The following RBPJ variants were observed in gnomAD, a reference collection of about 807,000 sequenced individuals.
The protein encoded by RBPJ is recombining binding protein suppressor of hairless.
RBPJ carries 9 observed loss-of-function variants against 67.8 expected under a neutral mutation model. The ratio of observed to expected loss-of-function variants is 0.13; its 90% CI spans 0.08 to 0.23. The LOEUF is 0.23. RBPJ is among the 10% of genes least tolerant of loss of function. RBPJ has a pLI of 1.00. For missense variants in RBPJ, 305 were observed against 595.6 expected, an observed-to-expected ratio of 0.51 and a Z score of 5.08; for synonymous variants, 198 against 203.3, an observed-to-expected ratio of 0.97 and a Z score of 0.22.
Position 26,406,239 on chromosome 4 carries a change from G to A in RBPJ, c.124G>A (p.Val42Ile). The A allele has an allele frequency of 6.2e-7, 1 of 1,611,788 alleles. No homozygotes were observed. Among genetic ancestry groups the A allele is most frequent in the Non-Finnish European group, 8.5e-7 (1 of 1,178,602 alleles). Residue 42 changes from valine to isoleucine, a missense_variant, in exon 3 of 11, where the codon GTT (valine) becomes ATT (isoleucine). Val to Ile is a conservative substitution (Grantham distance 29). This residue lies in a region of RBPJ where 4 missense variants were observed against 21.7 expected (regional missense o/e 0.18). Coordinates refer to ENST00000355476, the MANE Select transcript of RBPJ (RefSeq NM_015874.6). ...DQTVLILHAK[V>I]AQKSYGNEKR... The stretch of plus-strand genomic sequence containing the variant: ...AACAGTACTTATTCTTCATGCAAAA[G>A]TTGCACAGAAGTCATATGGAAATGA...
chr4:26,415,026 C>T (rs1192461441), intron 3 of RBPJ, among the ~76,000 whole-genome samples: 2 of 152,134 alleles, frequency 1.3e-5, no homozygotes, highest in Non-Finnish European at 2.9e-5. Flanking sequence ...AGGTTAATTA[C>T]CACATTAAGT....
intron 1 of RBPJ, among the ~76,000 whole-genome samples, chr4:26,197,283 G>A (rs1021877188): frequency 6.6e-6 from 1 of 152,052 alleles, no homozygotes; most frequent in African/African-American, 2.4e-5. Context: ...GAAGAATTGG[G>A]GACCCAGGAC....
intron 1 of RBPJ, among the ~76,000 whole-genome samples, chr4:26,337,638 C>T (rs894255663): frequency 1.1e-4 from 16 of 150,624 alleles, no homozygotes; most frequent in African/African-American, 3.9e-4. Context: ...GGTTATTGGC[C>T]ATTTGTATTT....
intron 1 of RBPJ, among the ~76,000 whole-genome samples, chr4:26,343,948 A>C (rs1307776472): frequency 1.3e-5 from 2 of 151,408 alleles, no homozygotes; most frequent in Non-Finnish European, 1.5e-5. Context: ...AGAGGGTTTC[A>C]CCATGTTGGC....
At chr4:26,313,374 A>T (rs992913722) in intron 1 of RBPJ, among the ~76,000 whole-genome samples, 3 of 152,164 alleles carry the variant, frequency 2.0e-5, no homozygotes, top group Admixed American at 2.0e-4. Flanking sequence ...TCTACTAAAA[A>T]TACAAAGAAA....
chr4:26,205,217 T>C (rs1718128242), intron 1 of RBPJ, among the ~76,000 whole-genome samples: 1 of 152,160 alleles, frequency 6.6e-6, no homozygotes, highest in African/African-American at 2.4e-5. Flanking sequence ...CACTTATCTT[T>C]AGCAAGGAGA....
chr4:26,184,627 G>T (rs1717161154), intron 1 of RBPJ, among the ~76,000 whole-genome samples: 1 of 152,218 alleles, frequency 6.6e-6, no homozygotes, highest in East Asian at 1.9e-4. Context: ...CTCAGGGGAG[G>T]CTGAGTCAAG....
At chr4:26,224,961 A>G (rs1719033300) in intron 1 of RBPJ, among the ~76,000 whole-genome samples, 1 of 152,232 alleles carries the variant, frequency 6.6e-6, no homozygotes, top group Non-Finnish European at 1.5e-5. Flanking sequence ...AACAAAGACT[A>G]AGGAAGGAAA....
At chr4:26,109,460 C>CTCTCTCTA in the RBPJ span, among the ~76,000 whole-genome samples, 5 of 14,698 alleles carry the variant, frequency 3.4e-4, no homozygotes, top group Non-Finnish European at 3.7e-4. Context: ...CTCTCTCTCT[C>CTCTCTCTA]TATATATATA....
chr4:26,205,850 C>T (rs942998731), intron 1 of RBPJ, among the ~76,000 whole-genome samples: 3 of 152,020 alleles, frequency 2.0e-5, no homozygotes, highest in Non-Finnish European at 4.4e-5. Context: ...ACTTCATCCT[C>T]CCAAAATGCT....
In RBPJ at chr4:26,270,982, C is replaced by A. The variant is rs115470830; in HGVS notation, c.-166-91464C>A. ...ATAAGACATTTTGAGGAGAAAAAAA[C>A]CATATTCATACAACTTTTATACAGT... On this transcript the variant is annotated intron_variant, in intron 1 of 4. Coordinates refer to the RBPJ transcript ENST00000512351. 8.5e-3 allele frequency among the ~76,000 whole-genome samples: 1,288 copies of A among 151,980 alleles called. 14 individuals are homozygous for A. The highest frequency in any genetic ancestry group is 0.03 in the African/African-American group (1,226 of 41,434).
the RBPJ span, among the ~76,000 whole-genome samples, chr4:26,147,526 G>C: frequency 6.6e-6 from 1 of 152,224 alleles, no homozygotes; most frequent in Admixed American, 6.5e-5. Context: ...TTACATTCTA[G>C]TTGCAAAGGA....
chr4:26,152,985 T>G, the RBPJ span, among the ~76,000 whole-genome samples: 1 of 152,202 alleles, frequency 6.6e-6, no homozygotes, highest in African/African-American at 2.4e-5. Flanking sequence ...TTTTGGAATA[T>G]TTGCATATAT....
chr4:26,344,400 A>C (rs758963527), intron 1 of RBPJ, among the ~76,000 whole-genome samples: 2 of 150,952 alleles, frequency 1.3e-5, no homozygotes, highest in Non-Finnish European at 3.0e-5. Flanking sequence ...ACGCCCGGCT[A>C]ATTTTTTTGT....
chr4:26,159,022 A>T (rs563076558), upstream of RBPJ, among the ~76,000 whole-genome samples: 4 of 148,982 alleles, frequency 2.7e-5, no homozygotes, highest in African/African-American at 9.9e-5. Context: ...TATGAGGAAT[A>T]GTCATTCCTT....
chr4:26,346,177 C>T (rs1726116625), intron 1 of RBPJ, among the ~76,000 whole-genome samples: 1 of 152,046 alleles, frequency 6.6e-6, no homozygotes, highest in Non-Finnish European at 1.5e-5. Context: ...CATGGACATG[C>T]ACGAGGAGTT....
chr4:26,422,304 A>G (rs564323957), intron 5 of RBPJ, among the ~76,000 whole-genome samples: 1 of 152,174 alleles, frequency 6.6e-6, no homozygotes, highest in South Asian at 2.1e-4. Context: ...ACTTTAACCT[A>G]ATGGTTTTAA....
Position 26,289,403 on chromosome 4 carries a change from A to G in RBPJ, c.-166-73043A>G, listed in dbSNP as rs992945536. Among the ~76,000 whole-genome samples, 6 of 141,304 alleles carry G rather than the reference A, an allele frequency of 4.2e-5. 1 individual carries two copies. Among genetic ancestry groups the G allele is most frequent in the East Asian group, 2.0e-4 (1 of 5,050 alleles). 92.7% of individuals were successfully genotyped at this position (141,304 alleles called of 152,430 possible). ...TGGTCTCAAAAAAAAAAAAAAAAAA[A>G]AAAAGAAAAAGAAAAAGGAGTAAAT... On this transcript the variant is annotated intron_variant, in intron 1 of 4. Coordinates refer to the RBPJ transcript ENST00000512351.
At chr4:26,185,033 T>G (rs1271606729) in intron 1 of RBPJ, among the ~76,000 whole-genome samples, 3 of 151,384 alleles carry the variant, frequency 2.0e-5, no homozygotes, top group Non-Finnish European at 4.4e-5. Flanking sequence ...TCCTAGCTAC[T>G]CGGGAGGCTG....
Sources: allele counts gnomAD v4.1 joint callset (sites outside exome capture counted in the v4.1 genomes callset), GRCh38; gene constraint gnomAD v4.1.1; regional missense constraint gnomAD v4.1.1; transcripts MANE v1.5; gene names NCBI Gene and HGNC (gene_info 2026-07-23, HGNC 2026-07-21).